The following REDIC1 variants were observed in gnomAD, a reference collection of about 807,000 sequenced individuals.
REDIC1 encodes regulator of DNA class I crossover intermediates 1, also known as HEI10 Interacting Protein 1.
chr12:39,666,611 C>A, the REDIC1 span, among the ~76,000 whole-genome samples: 1 of 152,162 alleles, frequency 6.6e-6, no homozygotes, highest in Non-Finnish European at 1.5e-5. Flanking sequence ...CCCTCTTTTT[C>A]TACTGATTGG....
chr12:39,864,782 G>T, the REDIC1 span: 2 of 1,613,954 alleles, frequency 1.2e-6, no homozygotes, highest in South Asian at 2.2e-5. Context: ...TGCAAGTGGC[G>T]TTCTGACCTG....
chr12:39,716,648 G>A, the REDIC1 span: 1 of 728,122 alleles, frequency 1.4e-6, no homozygotes, highest in East Asian at 3.1e-5. Context: ...AAAGTGTTTT[G>A]TGTTGTTAGC....
chr12:39,656,198 A>G, the REDIC1 span, among the ~76,000 whole-genome samples: 1 of 152,224 alleles, frequency 6.6e-6, no homozygotes, highest in Non-Finnish European at 1.5e-5. Context: ...TCAGTGTCAT[A>G]GAATGAGCTG....
At chr12:39,754,820 T>G in the REDIC1 span, among the ~76,000 whole-genome samples, 1 of 152,094 alleles carries the variant, frequency 6.6e-6, no homozygotes. Flanking sequence ...TTAGAATAAT[T>G]CTTTAGAACA....
At chr12:39,739,540 GATTAAT>G in the REDIC1 span, among the ~76,000 whole-genome samples, 5 of 152,154 alleles carry the variant, frequency 3.3e-5, no homozygotes, top group Non-Finnish European at 5.9e-5. Context: ...TTGAATGATT[GATTAAT>G]ATTGAGTTAA....
the REDIC1 span, among the ~76,000 whole-genome samples, chr12:39,819,585 C>T: frequency 2.0e-5 from 3 of 152,104 alleles, no homozygotes; most frequent in South Asian, 2.1e-4. Flanking sequence ...ATGTCCTTGA[C>T]ACTAAGCAGT....
the REDIC1 span, among the ~76,000 whole-genome samples, chr12:39,740,778 T>C: frequency 6.6e-6 from 1 of 152,184 alleles, no homozygotes; most frequent in Non-Finnish European, 1.5e-5. Flanking sequence ...TTAATCTTCA[T>C]AACTTTTTTC....
the REDIC1 span, among the ~76,000 whole-genome samples, chr12:39,898,485 T>A: frequency 7.6e-6 from 1 of 132,020 alleles, no homozygotes; most frequent in Admixed American, 7.9e-5. Context: ...TCAGTAGTTC[T>A]ATAGTAGCCA....
chr12:39,767,125 A>G, the REDIC1 span, among the ~76,000 whole-genome samples: 5 of 152,036 alleles, frequency 3.3e-5, no homozygotes, highest in African/African-American at 4.8e-5. Flanking sequence ...CTATGGCCTT[A>G]TGAAATGCAT....
chr12:39,753,076 A>G, the REDIC1 span, among the ~76,000 whole-genome samples: 1 of 152,172 alleles, frequency 6.6e-6, no homozygotes, highest in Admixed American at 6.5e-5. Context: ...GCTCTAACGT[A>G]TGTTTTGTGA....
At chr12:39,634,796 A>G in the REDIC1 span, among the ~76,000 whole-genome samples, 1 of 152,214 alleles carries the variant, frequency 6.6e-6, no homozygotes, top group Non-Finnish European at 1.5e-5. Context: ...GGATCTAATT[A>G]AACTAAAGAG....
chr12:39,666,964 T>C, the REDIC1 span, among the ~76,000 whole-genome samples: 1 of 152,200 alleles, frequency 6.6e-6, no homozygotes, highest in South Asian at 2.1e-4. Flanking sequence ...TCTTTTCTTC[T>C]TTATTAGTCT....
the REDIC1 span, among the ~76,000 whole-genome samples, chr12:39,889,480 T>C: frequency 3.3e-5 from 5 of 151,342 alleles, no homozygotes; most frequent in African/African-American, 1.2e-4. Flanking sequence ...TATACTATTA[T>C]ACAGAGAAAG....
the REDIC1 span, among the ~76,000 whole-genome samples, chr12:39,799,164 C>T: frequency 1.3e-5 from 2 of 150,408 alleles, no homozygotes; most frequent in East Asian, 2.0e-4. Flanking sequence ...CTCACTGCAA[C>T]CTCCGCCTCC....
chr12:39,753,306 A>G, the REDIC1 span, among the ~76,000 whole-genome samples: 148 of 151,994 alleles, frequency 9.7e-4, no homozygotes, highest in Non-Finnish European at 1.8e-3. Flanking sequence ...GAGAGGGTTA[A>G]TGTCACGGTT....
the REDIC1 span, among the ~76,000 whole-genome samples, chr12:39,775,993 T>C: frequency 6.6e-6 from 1 of 152,212 alleles, no homozygotes; most frequent in East Asian, 1.9e-4. Context: ...GATTTTAGAT[T>C]TTTGGATCAG....
At chr12:39,704,588 C>G in the REDIC1 span, among the ~76,000 whole-genome samples, 11 of 151,556 alleles carry the variant, frequency 7.3e-5, no homozygotes, top group African/African-American at 2.7e-4. Context: ...ACCCAAAGGA[C>G]TATAAATCAT....
the REDIC1 span, among the ~76,000 whole-genome samples, chr12:39,903,891 C>T: frequency 6.6e-6 from 1 of 152,006 alleles, no homozygotes; most frequent in Non-Finnish European, 1.5e-5. Flanking sequence ...GATGAAGCAG[C>T]CTATCAAACT....
the REDIC1 span, chr12:39,683,566 G>A: frequency 8.7e-7 from 1 of 1,155,382 alleles, no homozygotes; most frequent in Non-Finnish European, 1.3e-6. Flanking sequence ...GCAAAGTGAG[G>A]TAGGCGTATT....
Sources: allele counts gnomAD v4.1 joint callset (sites outside exome capture counted in the v4.1 genomes callset), GRCh38; gene constraint gnomAD v4.1.1; transcripts MANE v1.5; gene names NCBI Gene and HGNC (gene_info 2026-07-23, HGNC 2026-07-21).